The following KAT6B variants were observed in gnomAD, a reference collection of about 807,000 sequenced individuals.
KAT6B encodes the protein lysine acetyltransferase 6B.
Under a neutral mutation model 187.5 loss-of-function variants are expected in KAT6B, and 10 were observed. The observed-to-expected ratio is 0.05, with a 90% CI of 0.03 to 0.09. The LOEUF (loss-of-function observed/expected upper bound fraction) is 0.09. Among genes scored for constraint, KAT6B ranks in the 10% least tolerant of loss-of-function variants. KAT6B has a pLI of 1.00. For missense variants in KAT6B, 1,952 were observed against 2,558.9 expected (o/e 0.76, Z 5.12); for synonymous variants, 861 against 926.8 (o/e 0.93, Z 1.29).
intron 4 of KAT6B, among the ~76,000 whole-genome samples, chr10:74,960,904 A>G (rs1347960344): frequency 6.6e-6 from 1 of 152,188 alleles, no homozygotes; most frequent in Non-Finnish European, 1.5e-5. Context: ...TTAAAATCTT[A>G]TCATCACTTA....
chr10:75,012,438 C>A (rs1274636597), intron 13 of KAT6B, among the ~76,000 whole-genome samples: 1 of 152,132 alleles, frequency 6.6e-6, no homozygotes, highest in Non-Finnish European at 1.5e-5. Flanking sequence ...TAGAGTGAGA[C>A]CGTGTCCAAA....
intron 4 of KAT6B, among the ~76,000 whole-genome samples, chr10:74,966,832 C>A (rs1262736174): frequency 5.9e-5 from 9 of 152,080 alleles, no homozygotes; most frequent in Non-Finnish European, 1.2e-4. Context: ...TCAAGACCAG[C>A]CTGGCCAACA....
intron 13 of KAT6B, among the ~76,000 whole-genome samples, chr10:75,006,161 T>C (rs140666322): frequency 2.5e-4 from 38 of 152,284 alleles, no homozygotes; most frequent in African/African-American, 7.9e-4. Flanking sequence ...GCAAAAATTG[T>C]TAGGGTCATG....
At chr10:74,838,379 A>G (rs1312432434) in intron 1 of KAT6B, among the ~76,000 whole-genome samples, 1 of 152,092 alleles carries the variant, frequency 6.6e-6, no homozygotes, top group African/African-American at 2.4e-5. Context: ...TTGTTTTTCC[A>G]TGATGAGATT....
At chr10:74,829,681 G>A (rs1235034619) in intron 1 of KAT6B, among the ~76,000 whole-genome samples, 1 of 151,594 alleles carries the variant, frequency 6.6e-6, no homozygotes, top group African/African-American at 2.4e-5. Flanking sequence ...CTGACCTCAG[G>A]TGATCCACTC....
At chr10:74,893,507 T>C (rs7079405) in intron 3 of KAT6B, among the ~76,000 whole-genome samples, 5,321 of 152,116 alleles carry the variant, frequency 0.035, 177 homozygotes, top group East Asian at 0.1. Flanking sequence ...TTCGTTCTTG[T>C]TGCCTAGGCT....
chr10:74,933,258 A>T (rs1849009242), intron 3 of KAT6B, among the ~76,000 whole-genome samples: 1 of 152,230 alleles, frequency 6.6e-6, no homozygotes, highest in Non-Finnish European at 1.5e-5. Flanking sequence ...TGGAAAAAAG[A>T]GATAGCCTAG....
intron 3 of KAT6B, among the ~76,000 whole-genome samples, chr10:74,958,354 GAGTT>G (rs1303081114): frequency 6.6e-6 from 1 of 152,202 alleles, no homozygotes; most frequent in African/African-American, 2.4e-5. Context: ...TATATTTAGA[GAGTT>G]AGACCTAGCA....
chr10:74,959,914 G>A, intron 3 of KAT6B, 56 bp from the exon 4 acceptor site: 1 of 1,194,112 alleles, frequency 8.4e-7, no homozygotes, highest in South Asian at 1.2e-5. Flanking sequence ...TGATTTTAAT[G>A]TTTTTACTTT....
intron 3 of KAT6B, among the ~76,000 whole-genome samples, chr10:74,856,625 G>A (rs1842845144): frequency 6.6e-6 from 1 of 152,118 alleles, no homozygotes; most frequent in South Asian, 2.1e-4. Context: ...GGGTCTGGGA[G>A]TGGTGGCTCA....
intron 3 of KAT6B, among the ~76,000 whole-genome samples, chr10:74,863,942 C>T (rs1843370244): frequency 6.6e-6 from 1 of 152,036 alleles, no homozygotes; most frequent in Non-Finnish European, 1.5e-5. Context: ...CATACACATA[C>T]ACTTTTCTCT....
chr10:74,969,329 T>C (rs181023331), intron 4 of KAT6B, among the ~76,000 whole-genome samples: 1 of 152,284 alleles, frequency 6.6e-6, no homozygotes, highest in Non-Finnish European at 1.5e-5. Context: ...AGATGGTGGT[T>C]GATGAAGACG....
chr10:75,020,887 A>C, intron 14 of KAT6B, 74 bp downstream of exon 14: 2 of 1,259,174 alleles, frequency 1.6e-6, no homozygotes, highest in East Asian at 2.4e-5. Context: ...AGATAGGTGC[A>C]TTCATTCCAG....
intron 4 of KAT6B, 133 bp downstream of exon 4, chr10:74,960,211 A>T (rs2133522829): frequency 2.8e-6 from 2 of 718,628 alleles, no homozygotes; most frequent in South Asian, 1.6e-5. Flanking sequence ...TAAATTTTAA[A>T]AGAAAAAGTA....
chr10:74,998,834 T>G (rs2133948656), intron 13 of KAT6B, among the ~76,000 whole-genome samples: 1 of 152,240 alleles, frequency 6.6e-6, no homozygotes, highest in African/African-American at 2.4e-5. Flanking sequence ...GAGTCCTCCA[T>G]TAAGGATGGC....
intron 6 of KAT6B, among the ~76,000 whole-genome samples, chr10:74,971,459 TGATTA>T (rs1373681078): frequency 2.0e-5 from 3 of 152,202 alleles, no homozygotes; most frequent in Admixed American, 6.5e-5. Context: ...ATCTTAGATT[TGATTA>T]GAGTATTATT....
chr10:75,002,829 T>C (rs1397600558), intron 13 of KAT6B, among the ~76,000 whole-genome samples: 1 of 152,268 alleles, frequency 6.6e-6, no homozygotes, highest in African/African-American at 2.4e-5. Flanking sequence ...TGATTGCCCA[T>C]GTCTTTCACC....
chr10:74,880,930 C>CTTTTTT (rs111285977), intron 3 of KAT6B, among the ~76,000 whole-genome samples: 2 of 144,498 alleles, frequency 1.4e-5, no homozygotes, highest in African/African-American at 5.1e-5. Flanking sequence ...CTTACTCTCT[C>CTTTTTT]TTTTTTTTTT....
At chr10:74,901,154 T>C (rs540620642) in intron 3 of KAT6B, among the ~76,000 whole-genome samples, 1 of 152,312 alleles carries the variant, frequency 6.6e-6, no homozygotes, top group African/African-American at 2.4e-5. Context: ...ATAATTACCG[T>C]TGAATCAAAA....
Sources: allele counts gnomAD v4.1 joint callset (sites outside exome capture counted in the v4.1 genomes callset), GRCh38; gene constraint gnomAD v4.1.1; transcripts MANE v1.5; gene names NCBI Gene and HGNC (gene_info 2026-07-23, HGNC 2026-07-21).